ARHGAP42: variants seen among roughly 807,000 people sequenced by gnomAD.
The protein encoded by ARHGAP42 is rho GTPase-activating protein 42.
A neutral mutation model predicts 125.0 loss-of-function variants in ARHGAP42; 63 were observed. That is an observed-to-expected ratio of 0.50 (90% CI 0.41 to 0.62). The LOEUF is 0.62. ARHGAP42 is among the 20% of genes least tolerant of loss of function. ARHGAP42 has a pLI of 0.00. For synonymous variants in ARHGAP42, 339 were observed against 351.0 expected (o/e 0.97, Z 0.38); for missense variants, 766 against 1,024.2 (o/e 0.75, Z 3.44).
At chr11:100,925,719 C>A (rs1383588081) in intron 6 of ARHGAP42, among the ~76,000 whole-genome samples, 1 of 152,146 alleles carries the variant, frequency 6.6e-6, no homozygotes, top group East Asian at 1.9e-4. Flanking sequence ...GCCTAGGTGG[C>A]AGAGTGAGAC....
At chr11:100,793,572 A>C (rs1218430141) in intron 2 of ARHGAP42, among the ~76,000 whole-genome samples, 1 of 152,238 alleles carries the variant, frequency 6.6e-6, no homozygotes, top group Non-Finnish European at 1.5e-5. Flanking sequence ...CTGAAAAGAG[A>C]AAATATTTTA....
At chr11:100,899,725 TTTTTTTTTG>T in intron 4 of ARHGAP42, among the ~76,000 whole-genome samples, 1 of 77,950 alleles carries the variant, frequency 1.3e-5, no homozygotes, top group Admixed American at 1.2e-4. Context: ...GTGTTTTGTT[TTTTTTTTTG>T]TTTTTTTTTG....
At chr11:100,849,536 C>T (rs1195987024) in intron 3 of ARHGAP42, among the ~76,000 whole-genome samples, 4 of 151,976 alleles carry the variant, frequency 2.6e-5, no homozygotes, top group Admixed American at 6.6e-5. Flanking sequence ...TATTCATGGA[C>T]TTTGTATTCT....
rs951271368 is a variant in ARHGAP42 at position 100,991,826 on chromosome 11, C to T, written c.*3025C>T. 2.0e-5 allele frequency: 3 copies of T among 153,322 alleles called. No individual in the cohort carries two copies. Among genetic ancestry groups the T allele is most frequent in the African/African-American group, 7.2e-5 (3 of 41,388 alleles). 9.5% of individuals were successfully genotyped at this position (153,322 alleles called of 1,614,324 possible). On this transcript the variant is annotated 3_prime_UTR_variant, in exon 24 of 24. Coordinates refer to ENST00000298815, the MANE Select transcript of ARHGAP42 (RefSeq NM_152432.4). ...GCATGAACACAACCAGGTTTCTCAACAATGATTTGTCTGCTGACTCTTTTC... is the reference window on the plus strand; with the variant it reads ...GCATGAACACAACCAGGTTTCTCAATAATGATTTGTCTGCTGACTCTTTTC...
chr11:100,759,847 A>G (rs186862702), intron 1 of ARHGAP42, among the ~76,000 whole-genome samples: 15 of 152,254 alleles, frequency 9.9e-5, no homozygotes, highest in South Asian at 2.1e-4. Context: ...CTTCTCCCCA[A>G]TTTTCAAATA....
chr11:100,691,369 T>A (rs1367785885), intron 1 of ARHGAP42, among the ~76,000 whole-genome samples: 1 of 152,218 alleles, frequency 6.6e-6, no homozygotes, highest in Non-Finnish European at 1.5e-5. Flanking sequence ...ATAATTTGCC[T>A]TTTACTTTTT....
chr11:100,977,615 C>T (rs1412130451), intron 21 of ARHGAP42, among the ~76,000 whole-genome samples: 1 of 152,100 alleles, frequency 6.6e-6, no homozygotes, highest in Non-Finnish European at 1.5e-5. Context: ...AGTTTCTCTC[C>T]CTTTCATTTT....
At chr11:100,887,729 T>A (rs535791312) in intron 4 of ARHGAP42, among the ~76,000 whole-genome samples, 1,675 of 152,304 alleles carry the variant, frequency 0.011, 15 homozygotes, top group Non-Finnish European at 0.017. Context: ...AGCTGTCAGC[T>A]CCTCCTGGGC....
At position 100,781,945 on chromosome 11, in the gene ARHGAP42, T is replaced by TG. The variant is rs1190638901; in HGVS notation, c.250+11507_250+11508insG. ...GCACCACCACGAGATTTTTTTTTTT[T>TG]TTTGTGCATTTAGAGCATTGGACAA... On this transcript the variant is annotated intron_variant, in intron 2 of 23. Coordinates refer to ENST00000298815, the MANE Select transcript of ARHGAP42 (RefSeq NM_152432.4). 1.2e-3 allele frequency among the ~76,000 whole-genome samples: 188 copies of TG among 151,844 alleles called. 1 individual carries two copies. The highest frequency in any genetic ancestry group is 4.1e-3 in the African/African-American group (171 of 41,296).
chr11:100,808,436 T>G (rs1322559079), intron 3 of ARHGAP42, among the ~76,000 whole-genome samples: 1 of 147,522 alleles, frequency 6.8e-6, no homozygotes, highest in Non-Finnish European at 1.5e-5. Flanking sequence ...TCTCGCTCTG[T>G]CGCCCAGGCC....
At chr11:100,868,073 C>T (rs1160010842) in intron 4 of ARHGAP42, among the ~76,000 whole-genome samples, 1 of 152,148 alleles carries the variant, frequency 6.6e-6, no homozygotes, top group Non-Finnish European at 1.5e-5. Context: ...GATTGCAGAT[C>T]ACCATGACAA....
intron 2 of ARHGAP42, among the ~76,000 whole-genome samples, chr11:100,779,931 C>T (rs1054211214): frequency 2.8e-4 from 42 of 151,248 alleles, no homozygotes; most frequent in African/African-American, 9.2e-4. Flanking sequence ...GAGGCTGAGG[C>T]GGGAGAATTG....
At chr11:100,923,653 ATG>A (rs1288332006) in intron 6 of ARHGAP42, among the ~76,000 whole-genome samples, 2 of 152,142 alleles carry the variant, frequency 1.3e-5, no homozygotes. Flanking sequence ...TTCAATTGAA[ATG>A]TGTTTTCTTC....
At chr11:100,825,810 T>C (rs1864503498) in intron 3 of ARHGAP42, among the ~76,000 whole-genome samples, 1 of 152,212 alleles carries the variant, frequency 6.6e-6, no homozygotes, top group Admixed American at 6.6e-5. Context: ...GTGCATGTGT[T>C]TTATGACTCC....
intron 5 of ARHGAP42, among the ~76,000 whole-genome samples, chr11:100,920,646 G>A (rs191222819): frequency 1.2e-3 from 186 of 152,144 alleles, no homozygotes; most frequent in African/African-American, 4.4e-3. Context: ...GCATCTGAGG[G>A]CAATAGGCAG....
At chr11:100,786,167 T>G (rs1863427888) in intron 2 of ARHGAP42, among the ~76,000 whole-genome samples, 1 of 152,104 alleles carries the variant, frequency 6.6e-6, no homozygotes, top group Admixed American at 6.5e-5. Flanking sequence ...TGGGGGTGGT[T>G]TTGACTTTGG....
At chr11:100,801,085 T>C (rs1410875211) in intron 3 of ARHGAP42, among the ~76,000 whole-genome samples, 1 of 152,196 alleles carries the variant, frequency 6.6e-6, no homozygotes, top group African/African-American at 2.4e-5. Context: ...CAGAGAGCAT[T>C]TCCTTTGAAC....
chr11:100,968,920 C>T (rs1858167162), intron 17 of ARHGAP42, among the ~76,000 whole-genome samples: 1 of 92,212 alleles, frequency 1.1e-5, no homozygotes, highest in South Asian at 4.4e-4. Flanking sequence ...TAATTACCTA[C>T]ACTGGGTGTT....
chr11:100,738,936 A>G (rs921282473), intron 1 of ARHGAP42, among the ~76,000 whole-genome samples: 26 of 152,170 alleles, frequency 1.7e-4, no homozygotes, highest in Non-Finnish European at 4.4e-5. Context: ...TCAGGAGGCC[A>G]CTCCTATTGG....
Sources: gnomAD v4.1 joint callset for allele counts (sites outside exome capture counted in the v4.1 genomes callset) on GRCh38, gnomAD v4.1.1 for gene constraint, MANE v1.5 for transcripts, NCBI Gene and HGNC (gene_info 2026-07-23, HGNC 2026-07-21) for gene names.